The following STYX variants were observed in gnomAD, a reference collection of about 807,000 sequenced individuals.
The protein encoded by STYX is serine/threonine/tyrosine interacting protein.
Under a neutral mutation model 42.7 loss-of-function variants are expected in STYX, and 20 were observed. That is an observed-to-expected ratio of 0.47 (90% CI 0.33 to 0.68). STYX has a LOEUF of 0.68. STYX is among the 30% of genes least tolerant of loss of function. The pLI is 0.02. For missense variants in STYX, 226 were observed against 268.5 expected (o/e 0.84, Z 1.11); for synonymous variants, 78 against 81.9 (o/e 0.95, Z 0.26).
In STYX at chr14:52,771,252, A is replaced by G; in HGVS notation, c.*146A>G. ...AGACATACTTCTCTGCAACTTGTTG[A>G]GCAACATTTTAAGATGTTGGACTTC... On this transcript the variant is annotated 3_prime_UTR_variant, in exon 11 of 11. Coordinates refer to ENST00000354586, the MANE Select transcript of STYX (RefSeq NM_145251.4). 1.5e-6 allele frequency: 1 copy of G among 660,406 alleles called. No homozygotes were observed. The highest frequency in any genetic ancestry group is 2.8e-5 in the East Asian group (1 of 35,584). 40.9% of individuals were successfully genotyped at this position (660,406 alleles called of 1,614,324 possible).
Position 52,772,422 on chromosome 14 carries a change from T to C in STYX, c.*1316T>C, listed in dbSNP as rs1882547679. ...AAGTCACTTTATGGATTTTTGGCTA[T>C]GTTTTAGTTTGTGTGTATAAAAGTT... On this transcript the variant is annotated 3_prime_UTR_variant, in exon 11 of 11. Transcript: ENST00000354586. 1 of 152,652 alleles carries C rather than the reference T, an allele frequency of 6.6e-6. No individual in the cohort carries two copies. Among genetic ancestry groups the C allele is most frequent in the Non-Finnish European group, 1.5e-5 (1 of 68,012 alleles). The allele number at this position is 152,652 out of a possible 1,614,324, so 9.5% of individuals were successfully genotyped here.
chr14:52,736,553 A>G (rs377242366), intron 1 of STYX, among the ~76,000 whole-genome samples: 91 of 152,302 alleles, frequency 6.0e-4, no homozygotes, highest in African/African-American at 1.9e-3. Context: ...CAGTTTAGCA[A>G]CTTTCCATGT....
At position 52,768,824 on chromosome 14, in the gene STYX, C is replaced by CTTTTTTTT; in HGVS notation, c.505-14_505-13insTTTTTTTT. On this transcript the variant is annotated splice_polypyrimidine_tract_variant and intron_variant, in intron 9 of 10. Transcript: ENST00000354586. ...GTAAATATATAATTAAGTTAATTAACTTATTTTTTTTTTAGGAATATGAAG... is the reference window on the plus strand; with the variant it reads ...GTAAATATATAATTAAGTTAATTAACTTTTTTTTTTATTTTTTTTTTAGGAATATGAAG... 1 of 1,291,202 alleles carries CTTTTTTTT rather than the reference C, an allele frequency of 7.7e-7. No homozygotes were observed. The highest frequency in any genetic ancestry group is 1.5e-5 in the African/African-American group (1 of 66,100). The allele number at this position is 1,291,202 out of a possible 1,614,324, so 80.0% of individuals were successfully genotyped here.
chr14:52,738,884 A>G (rs1490421007), intron 1 of STYX, among the ~76,000 whole-genome samples: 1 of 151,750 alleles, frequency 6.6e-6, no homozygotes, highest in Non-Finnish European at 1.5e-5. Flanking sequence ...CTAAGGGCCC[A>G]TTTATCTTTC....
intron 5 of STYX, 54 bp from the exon 6 acceptor site, chr14:52,757,265 C>G: frequency 7.3e-7 from 1 of 1,368,476 alleles, no homozygotes; most frequent in Non-Finnish European, 1.0e-6. Flanking sequence ...CATTTTGTTT[C>G]ATTATATGCA....
intron 4 of STYX, among the ~76,000 whole-genome samples, chr14:52,753,164 G>A (rs113302131): frequency 1.3e-3 from 194 of 150,506 alleles, no homozygotes; most frequent in African/African-American, 4.5e-3. Flanking sequence ...AATTCTCTGC[G>A]TCAGCCTTCT....
intron 1 of STYX, among the ~76,000 whole-genome samples, chr14:52,739,287 A>C (rs1402668763): frequency 6.6e-6 from 1 of 152,112 alleles, no homozygotes; most frequent in Non-Finnish European, 1.5e-5. Context: ...CCCAGAATAT[A>C]TTTACACCAT....
At chr14:52,756,513 A>C (rs1881872433) in intron 4 of STYX, 38 bp from the exon 5 acceptor site, 3 of 1,211,698 alleles carry the variant, frequency 2.5e-6, no homozygotes, top group African/African-American at 3.1e-5. Flanking sequence ...TAAGTGTTTT[A>C]CTTAAAGTGT....
intron 3 of STYX, among the ~76,000 whole-genome samples, chr14:52,749,447 A>G (rs114691752): frequency 0.012 from 1,774 of 152,286 alleles, 31 homozygotes; most frequent in African/African-American, 0.038. Flanking sequence ...AATATATAGG[A>G]TTTAAAACAA....
chr14:52,760,155 G>C (rs1490569187), intron 9 of STYX, among the ~76,000 whole-genome samples: 1 of 152,142 alleles, frequency 6.6e-6, no homozygotes, highest in African/African-American at 2.4e-5. Context: ...ACAGTGAACA[G>C]TGTGCCTTTG....
At chr14:52,760,779 C>T (rs1197224492) in intron 9 of STYX, among the ~76,000 whole-genome samples, 2 of 151,784 alleles carry the variant, frequency 1.3e-5, no homozygotes, top group Non-Finnish European at 2.9e-5. Context: ...TTGTAGAAAA[C>T]ATTGTTTTTT....
intron 4 of STYX, among the ~76,000 whole-genome samples, chr14:52,751,475 T>G (rs1267178631): frequency 6.6e-6 from 1 of 152,214 alleles, no homozygotes; most frequent in African/African-American, 2.4e-5. Context: ...TATGAACATT[T>G]TAAATTTTGA....
At chr14:52,770,826 G>T (rs894910850) in intron 10 of STYX, among the ~76,000 whole-genome samples, 1 of 151,946 alleles carries the variant, frequency 6.6e-6, no homozygotes, top group Non-Finnish European at 1.5e-5. Flanking sequence ...CATAATACTT[G>T]AGAAGGAAAA....
At chr14:52,751,883 G>A (rs1881625554) in intron 4 of STYX, among the ~76,000 whole-genome samples, 1 of 151,952 alleles carries the variant, frequency 6.6e-6, no homozygotes, top group African/African-American at 2.4e-5. Context: ...AATATTTTAG[G>A]CCAGCACGGT....
chr14:52,730,246 A>G lies in STYX; in HGVS notation c.-229A>G, dbSNP rs1225168322. On this transcript the variant is annotated 5_prime_UTR_variant, in exon 1 of 11. It removes an upstream start codon present in the reference 5' UTR. Coordinates refer to ENST00000354586, the MANE Select transcript of STYX (RefSeq NM_145251.4). ...TCTGGGGGAGGGAGACGGCAGCGGCATGGCGGCCGGGTGTAAGACGCCCGA... is the reference window on the plus strand; with the variant it reads ...TCTGGGGGAGGGAGACGGCAGCGGCGTGGCGGCCGGGTGTAAGACGCCCGA... The G allele has an allele frequency of 3.5e-6, 2 of 570,038 alleles. No individual in the cohort carries two copies. Among genetic ancestry groups the G allele is most frequent in the East Asian group, 3.0e-5 (1 of 33,162 alleles). The allele number at this position is 570,038 out of a possible 1,614,324, so 35.3% of individuals were successfully genotyped here. A position where few individuals can be genotyped will look rare whatever the true frequency, so the allele number is the denominator to read the frequency against.
At chr14:52,739,529 T>A (rs1881097836) in intron 1 of STYX, among the ~76,000 whole-genome samples, 1 of 151,972 alleles carries the variant, frequency 6.6e-6, no homozygotes, top group African/African-American at 2.4e-5. Context: ...ATCTATTTTG[T>A]GCTTATTCTG....
At chr14:52,750,505 A>G (rs1227438597) in intron 3 of STYX, among the ~76,000 whole-genome samples, 178 bp from the exon 4 acceptor site, 1 of 152,198 alleles carries the variant, frequency 6.6e-6, no homozygotes, top group Non-Finnish European at 1.5e-5. Flanking sequence ...ATCTTGAATC[A>G]TTGAAATATC....
At chr14:52,756,235 C>G (rs961511521) in intron 4 of STYX, among the ~76,000 whole-genome samples, 1 of 152,108 alleles carries the variant, frequency 6.6e-6, no homozygotes, top group Non-Finnish European at 1.5e-5. Flanking sequence ...AGGCTGGTCT[C>G]GAATCCCTGG....
chr14:52,757,490 C>A, intron 6 of STYX, 135 bp downstream of exon 6: 1 of 881,546 alleles, frequency 1.1e-6, no homozygotes, highest in Non-Finnish European at 1.7e-6. Context: ...TTTGTATTTT[C>A]CCAATTACTT....
Sources: allele counts gnomAD v4.1 joint callset (sites outside exome capture counted in the v4.1 genomes callset), GRCh38; gene constraint gnomAD v4.1.1; transcripts MANE v1.5; gene names NCBI Gene and HGNC (gene_info 2026-07-23, HGNC 2026-07-21).